Variants in RYR2 observed in about 807,000 individuals in gnomAD.
RYR2 encodes the protein ryanodine receptor 2.
Under a neutral mutation model 601.1 loss-of-function variants are expected in RYR2, and 227 were observed. The observed-to-expected ratio is 0.38, with a 90% CI of 0.34 to 0.42. The LOEUF is 0.42. Among genes scored for constraint, RYR2 ranks in the 10% least tolerant of loss-of-function variants. The pLI, the probability that RYR2 is intolerant of heterozygous loss-of-function variation, is 1.00. For missense variants in RYR2, 4,646 were observed against 6,156.5 expected (o/e 0.75, Z 8.21); for synonymous variants, 2,223 against 2,175.1 (o/e 1.02, Z -0.61).
At chr1:237,593,669 A>T in intron 33 of RYR2, 33 bp downstream of exon 33, 1 of 1,609,636 alleles carries the variant, frequency 6.2e-7, no homozygotes, top group Non-Finnish European at 8.5e-7. Context: ...CAAGAATGAC[A>T]TGTGAAAAAA....
At chr1:237,827,650 AT>A (rs1361687781) in intron 101 of RYR2, among the ~76,000 whole-genome samples, 36 of 133,402 alleles carry the variant, frequency 2.7e-4, no homozygotes, top group African/African-American at 9.9e-4. Context: ...AAAAAAAAAA[AT>A]GACTTGACTG....
chr1:237,494,321 T>G (rs1269682809), intron 19 of RYR2, among the ~76,000 whole-genome samples: 1 of 151,526 alleles, frequency 6.6e-6, no homozygotes. Flanking sequence ...AGTCCAAGAG[T>G]CCAAAAGCTG....
chr1:237,337,650 G>A (rs1194171397), intron 3 of RYR2, among the ~76,000 whole-genome samples: 3 of 152,116 alleles, frequency 2.0e-5, no homozygotes, highest in Non-Finnish European at 4.4e-5. Context: ...ATCGTGGCAT[G>A]CAAGAAGCAC....
intron 1 of RYR2, among the ~76,000 whole-genome samples, chr1:237,224,020 A>G (rs1017719427): frequency 1.3e-5 from 2 of 152,220 alleles, no homozygotes; most frequent in East Asian, 1.9e-4. Context: ...AATCTAACTC[A>G]TCATGGATGA....
chr1:237,252,778 G>C (rs536334482), intron 1 of RYR2, among the ~76,000 whole-genome samples: 3 of 152,304 alleles, frequency 2.0e-5, no homozygotes, highest in Admixed American at 6.5e-5. Context: ...ACTAGTAAAA[G>C]GAAAGCTAGA....
intron 37 of RYR2, among the ~76,000 whole-genome samples, 170 bp downstream of exon 37, chr1:237,615,013 GC>G (rs1456630250): frequency 6.6e-6 from 1 of 151,838 alleles, no homozygotes; most frequent in Non-Finnish European, 1.5e-5. Context: ...TTATTCATTA[GC>G]CATCTCCTCT....
chr1:237,787,909 C>A, intron 91 of RYR2, 79 bp from the exon 92 acceptor site: 1 of 1,326,740 alleles, frequency 7.5e-7, no homozygotes, highest in Non-Finnish European at 1.0e-6. Flanking sequence ...AATATTTGTT[C>A]ACTTGGGTAA....
chr1:237,706,895 T>C (rs1688425612), intron 67 of RYR2, 54 bp from the exon 68 acceptor site: 6 of 1,447,888 alleles, frequency 4.1e-6, no homozygotes, highest in Non-Finnish European at 4.8e-6. Context: ...AAATCCGCCA[T>C]ATCATCTCAG....
intron 101 of RYR2, among the ~76,000 whole-genome samples, chr1:237,823,846 T>TAA (rs1662793121): frequency 6.6e-6 from 1 of 152,012 alleles, no homozygotes; most frequent in Non-Finnish European, 1.5e-5. Flanking sequence ...ATAAAGGGGA[T>TAA]ATCACCACCG....
chr1:237,711,612 G>T, intron 70 of RYR2, 133 bp from the exon 71 acceptor site: 2 of 625,488 alleles, frequency 3.2e-6, no homozygotes, highest in Non-Finnish European at 5.7e-6. Flanking sequence ...AGAAATACTT[G>T]TATCCTTTTT....
chr1:237,066,834 G>C (rs1223848819), intron 1 of RYR2, among the ~76,000 whole-genome samples: 5 of 151,856 alleles, frequency 3.3e-5, no homozygotes, highest in African/African-American at 1.2e-4. Context: ...GTAGAGACGG[G>C]GTTTCACCGT....
intron 91 of RYR2, among the ~76,000 whole-genome samples, chr1:237,786,451 G>T (rs1336632712): frequency 6.6e-6 from 1 of 152,166 alleles, no homozygotes; most frequent in Non-Finnish European, 1.5e-5. Flanking sequence ...CTGTGGAGTG[G>T]TGCTCCTTAA....
At position 237,386,327 on chromosome 1, in the gene RYR2, C is replaced by T. The variant is rs191732720; in HGVS notation, c.577-954C>T. On this transcript the variant is annotated intron_variant, in intron 8 of 104. Coordinates refer to ENST00000366574, the MANE Select transcript of RYR2 (RefSeq NM_001035.3). ...ATAGTATCTTTATGTTAAAGAGACC[C>T]GTAGGATGTTTAAAAGGCCTGTGGA... Among the ~76,000 whole-genome samples the T allele has an allele frequency of 1.3e-3, 191 of 152,140 alleles. 1 individual carries two copies. The highest frequency in any genetic ancestry group is 2.0e-3 in the Non-Finnish European group (134 of 67,996).
At chr1:237,449,488 A>G (rs1362305150) in intron 14 of RYR2, among the ~76,000 whole-genome samples, 2 of 152,168 alleles carry the variant, frequency 1.3e-5, no homozygotes. Context: ...ATTTTTATTT[A>G]AAATCAATTA....
At chr1:237,185,066 G>A (rs1679202648) in intron 1 of RYR2, among the ~76,000 whole-genome samples, 1 of 151,918 alleles carries the variant, frequency 6.6e-6, no homozygotes, top group African/African-American at 2.4e-5. Context: ...AGGATCTACT[G>A]TGTTTCCCAG....
chr1:237,503,178 G>A, intron 21 of RYR2, 111 bp from the exon 22 acceptor site: 1 of 887,816 alleles, frequency 1.1e-6, no homozygotes, highest in Non-Finnish European at 1.7e-6. Flanking sequence ...GGGAAAATGT[G>A]GCTTCTGATA....
intron 2 of RYR2, among the ~76,000 whole-genome samples, chr1:237,292,444 T>C (rs1240465906): frequency 6.6e-6 from 1 of 152,210 alleles, no homozygotes; most frequent in Non-Finnish European, 1.5e-5. Flanking sequence ...TGGCTCCTAC[T>C]TCAGAACAGG....
chr1:237,720,757 C>T (rs765889560), intron 73 of RYR2, among the ~76,000 whole-genome samples: 3 of 152,126 alleles, frequency 2.0e-5, no homozygotes, highest in Non-Finnish European at 4.4e-5. Context: ...AGAGAGTGCT[C>T]AGTACCTCTT....
At position 237,786,987 on chromosome 1, in the gene RYR2, C is replaced by T. The variant is rs189662545; in HGVS notation, c.13328+951C>T. The stretch of plus-strand genomic sequence containing the variant: ...TGGCAATTCTTTAACTAATATATAC[C>T]TCATATGAGTTAAGATTAAGTATAG... On this transcript the variant is annotated intron_variant, in intron 91 of 104. Coordinates refer to ENST00000366574, the MANE Select transcript of RYR2 (RefSeq NM_001035.3). 8.9e-4 allele frequency among the ~76,000 whole-genome samples: 136 copies of T among 152,124 alleles called. 1 individual carries two copies. The highest frequency in any genetic ancestry group is 2.9e-3 in the African/African-American group (121 of 41,504).
Sources: gnomAD v4.1 joint callset for allele counts (sites outside exome capture counted in the v4.1 genomes callset) on GRCh38, gnomAD v4.1.1 for gene constraint, MANE v1.5 for transcripts, NCBI Gene and HGNC (gene_info 2026-07-23, HGNC 2026-07-21) for gene names.